Variants in HS3ST5 observed in about 807,000 individuals in gnomAD.
The protein encoded by HS3ST5 is heparan sulfate-glucosamine 3-sulfotransferase 5, also known as heparan sulfate glucosamine 3-O-sulfotransferase 5.
In HS3ST5, 10 loss-of-function variants were observed where a neutral mutation model predicts 25.4. The observed-to-expected ratio is 0.39, with a 90% CI of 0.24 to 0.67. The LOEUF is 0.67. Among genes scored for constraint, HS3ST5 ranks in the 30% least tolerant of loss-of-function variants. HS3ST5 has a pLI of 0.44. For missense variants in HS3ST5, 324 were observed against 420.7 expected, an observed-to-expected ratio of 0.77 and a Z score of 2.01; for synonymous variants, 170 against 162.4, an observed-to-expected ratio of 1.05 and a Z score of -0.36.
chr6:114,336,879 A>C lies in HS3ST5; in HGVS notation c.-339+5316T>G, dbSNP rs191381528. Reference sequence around the variant, plus strand: ...AATATGTTCTTGAATAGTTCCCCAAACTATACTCAAATAGTAAGATTGTTA... The same window carrying C: ...AATATGTTCTTGAATAGTTCCCCAACCTATACTCAAATAGTAAGATTGTTA... On this transcript the variant is annotated intron_variant, in intron 1 of 4. Coordinates refer to ENST00000312719, the MANE Select transcript of HS3ST5 (RefSeq NM_153612.4). Among the ~76,000 whole-genome samples, 535 of 152,276 alleles carry C rather than the reference A, an allele frequency of 3.5e-3. 2 individuals are homozygous for C. Among genetic ancestry groups the C allele is most frequent in the African/African-American group, 0.012 (501 of 41,546 alleles).
chr6:114,164,759 T>C (rs890739854), intron 3 of HS3ST5, among the ~76,000 whole-genome samples: 1 of 152,186 alleles, frequency 6.6e-6, no homozygotes, highest in African/African-American at 2.4e-5. Context: ...TTTAAATAAA[T>C]ATACTATGTC....
At chr6:114,162,185 G>A (rs1189716870) in intron 3 of HS3ST5, among the ~76,000 whole-genome samples, 1 of 152,110 alleles carries the variant, frequency 6.6e-6, no homozygotes, top group Non-Finnish European at 1.5e-5. Context: ...GCTAAAAGAA[G>A]TGCTACGTCG....
At chr6:114,303,085 G>T (rs1018785009) in intron 1 of HS3ST5, among the ~76,000 whole-genome samples, 3 of 152,138 alleles carry the variant, frequency 2.0e-5, no homozygotes, top group Non-Finnish European at 4.4e-5. Flanking sequence ...TGGCAGGTTG[G>T]ATGGATTTCT....
At chr6:114,213,219 T>C (rs1367179807) in intron 2 of HS3ST5, among the ~76,000 whole-genome samples, 1 of 151,912 alleles carries the variant, frequency 6.6e-6, no homozygotes, top group East Asian at 1.9e-4. Flanking sequence ...CTGTTTCTTC[T>C]TTCTGACATC....
intron 3 of HS3ST5, among the ~76,000 whole-genome samples, chr6:114,097,942 G>C (rs2680971): frequency 2.0e-5 from 3 of 151,782 alleles, no homozygotes; most frequent in Non-Finnish European, 4.4e-5. Flanking sequence ...TATATGTGTA[G>C]ATATGTATTT....
rs771117238 is a variant in HS3ST5 at position 114,057,299 on chromosome 6, T to G, written c.999A>C (p.Gln333His). The change falls in exon 5 of 5, where the codon CAA becomes CAC. Residue 333 changes from glutamine (Q) to histidine (H), a missense_variant. Coordinates refer to ENST00000312719, the MANE Select transcript of HS3ST5 (RefSeq NM_153612.4). ...TCCTCCCAGTGATCTGGTAAAATTT[T>G]TGATTAAAAGGATGAAAGAATTTGC... ...KLRKFFHPFN[Q>H]KFYQITGRTL... 6.2e-7 allele frequency: 1 copy of G among 1,613,902 alleles called. No individual in the cohort carries two copies. The highest frequency in any genetic ancestry group is 1.6e-4 in the Middle Eastern group (1 of 6,062).
intron 3 of HS3ST5, among the ~76,000 whole-genome samples, chr6:114,121,868 G>C (rs2114878561): frequency 6.6e-6 from 1 of 152,226 alleles, no homozygotes; most frequent in South Asian, 2.1e-4. Context: ...ACATTTTGGA[G>C]GTGGGAATAC....
intron 1 of HS3ST5, among the ~76,000 whole-genome samples, chr6:114,234,460 A>G (rs1771761580): frequency 6.6e-6 from 1 of 152,058 alleles, no homozygotes; most frequent in African/African-American, 2.4e-5. Context: ...ATATTTTAGG[A>G]AACTAGTGAA....
intron 3 of HS3ST5, among the ~76,000 whole-genome samples, chr6:114,146,602 G>A (rs776441708): frequency 2.0e-5 from 3 of 152,136 alleles, no homozygotes; most frequent in African/African-American, 4.8e-5. Context: ...TAAGTGATAC[G>A]GTTTGTATAT....
intron 3 of HS3ST5, among the ~76,000 whole-genome samples, chr6:114,097,014 T>C (rs941808834): frequency 2.6e-5 from 4 of 152,098 alleles, no homozygotes; most frequent in Non-Finnish European, 1.5e-5. Flanking sequence ...TTCATTGCAC[T>C]CAATTTCTTT....
chr6:114,264,406 G>A (rs904288532), intron 1 of HS3ST5, among the ~76,000 whole-genome samples: 3 of 152,154 alleles, frequency 2.0e-5, no homozygotes, highest in Admixed American at 2.0e-4. Context: ...TAAATGCAGA[G>A]TTATTGCCCC....
At chr6:114,242,522 T>C (rs1342374345) in intron 1 of HS3ST5, among the ~76,000 whole-genome samples, 1 of 152,180 alleles carries the variant, frequency 6.6e-6, no homozygotes, top group Non-Finnish European at 1.5e-5. Context: ...TGCTGGTAGA[T>C]TTTATTGATG....
At chr6:114,254,248 C>T (rs191602888) in intron 1 of HS3ST5, among the ~76,000 whole-genome samples, 1 of 152,314 alleles carries the variant, frequency 6.6e-6, no homozygotes, top group African/African-American at 2.4e-5. Context: ...CTGTGGAAGA[C>T]CCTGAACCTC....
intron 1 of HS3ST5, among the ~76,000 whole-genome samples, chr6:114,262,411 G>T (rs1773216492): frequency 6.6e-6 from 1 of 152,116 alleles, no homozygotes; most frequent in African/African-American, 2.4e-5. Flanking sequence ...GCCAGGCGTG[G>T]TGGCAGGCAC....
chr6:114,172,058 A>G (rs1378517870), intron 2 of HS3ST5, among the ~76,000 whole-genome samples: 1 of 152,110 alleles, frequency 6.6e-6, no homozygotes, highest in African/African-American at 2.4e-5. Context: ...TTAGCTCAAA[A>G]CTTTGCACAA....
At chr6:114,289,840 T>A (rs1774494995) in intron 1 of HS3ST5, among the ~76,000 whole-genome samples, 2 of 152,168 alleles carry the variant, frequency 1.3e-5, no homozygotes, top group African/African-American at 4.8e-5. Flanking sequence ...ACTATCTTCC[T>A]ATGGGCTTTG....
intron 1 of HS3ST5, among the ~76,000 whole-genome samples, chr6:114,282,464 T>C (rs1213059657): frequency 6.6e-6 from 1 of 151,864 alleles, no homozygotes; most frequent in Non-Finnish European, 1.5e-5. Context: ...GCATCCCCGT[T>C]CTCTTAGGCT....
At chr6:114,169,747 T>C (rs982851614) in intron 2 of HS3ST5, among the ~76,000 whole-genome samples, 2 of 152,214 alleles carry the variant, frequency 1.3e-5, no homozygotes, top group Non-Finnish European at 2.9e-5. Context: ...ATTAAAATGC[T>C]AAACTCAAGA....
chr6:114,211,680 T>G (rs1262085901), intron 2 of HS3ST5, among the ~76,000 whole-genome samples: 3 of 152,200 alleles, frequency 2.0e-5, no homozygotes, highest in Non-Finnish European at 4.4e-5. Context: ...AAAACCAGCT[T>G]TCATTAATAT....
Sources: allele counts gnomAD v4.1 joint callset (sites outside exome capture counted in the v4.1 genomes callset), GRCh38; gene constraint gnomAD v4.1.1; transcripts MANE v1.5; gene names NCBI Gene and HGNC (gene_info 2026-07-23, HGNC 2026-07-21).